The following CASZ1 variants were observed in gnomAD, a reference collection of about 807,000 sequenced individuals.
CASZ1 encodes the protein castor zinc finger 1.
A neutral mutation model predicts 135.2 loss-of-function variants in CASZ1; 28 were observed. The ratio of observed to expected loss-of-function variants is 0.21; its 90% CI spans 0.15 to 0.28. The LOEUF is 0.28. Ranked by LOEUF, CASZ1 falls within the 10% of genes least tolerant of loss-of-function variation. CASZ1 has a pLI of 1.00. For synonymous variants in CASZ1, 1,068 were observed against 1,073.4 expected (o/e 0.99, Z 0.10); for missense variants, 2,161 against 2,453.3 (o/e 0.88, Z 2.52).
At chr1:10,644,415 C>T (rs1642301280) in intron 18 of CASZ1, among the ~76,000 whole-genome samples, 1 of 152,028 alleles carries the variant, frequency 6.6e-6, no homozygotes, top group Non-Finnish European at 1.5e-5. Context: ...GTCGCCACCA[C>T]TGTCACCACC....
At position 10,694,691 on chromosome 1, in the gene CASZ1, C is replaced by CCGCGCGCCCCCGCCG. The variant is rs1162394762; in HGVS notation, c.-23-794_-23-780dup. Among the ~76,000 whole-genome samples the CCGCGCGCCCCCGCCG allele has an allele frequency of 6.0e-5, 8 of 133,894 alleles. No homozygotes were observed. The highest frequency in any genetic ancestry group is 1.2e-4 in the Non-Finnish European group (7 of 60,710). The allele number at this position is 133,894 out of a possible 152,430, so 87.8% of individuals were successfully genotyped here. Reference sequence around the variant, plus strand: ...GGGCTCGCGCTCGCTCGCGCCCCCGCCGCGCGCCCCCGCCGCGCGCGCCCG... The same window carrying CCGCGCGCCCCCGCCG: ...GGGCTCGCGCTCGCTCGCGCCCCCGCCGCGCGCCCCCGCCGCGCGCGCCCCCGCCGCGCGCGCCCG... On this transcript the variant is annotated intron_variant, in intron 3 of 20. Coordinates refer to ENST00000377022, the MANE Select transcript of CASZ1 (RefSeq NM_001079843.3). This position sits in a 1 kb window ranked among gnomAD's most constrained non-coding sequence, Gnocchi z 6.6.
rs1268101199 is a variant in CASZ1, at chr1:10,706,817, C to T, written c.-76-1273G>A. On this transcript the variant is annotated intron_variant, in intron 2 of 20. Transcript: ENST00000377022. This position sits in a 1 kb window ranked among gnomAD's most constrained non-coding sequence, Gnocchi z 4.3. ...TTAGGAAGTGCTGCCCCACGGGCCT[C>T]TGATGCCCATCTCATCCAGATGATG... Among the ~76,000 whole-genome samples, 1 of 151,782 alleles carries T rather than the reference C, an allele frequency of 6.6e-6. No individual in the cohort carries two copies. Among genetic ancestry groups the T allele is most frequent in the Non-Finnish European group, 1.5e-5 (1 of 67,944 alleles).
At position 10,639,113 on chromosome 1, in the gene CASZ1, GTCGTCGTCGTCC is replaced by G. The variant is rs778912711; in HGVS notation, c.5097_5108del (p.Glu1699_Asp1702del). 2,738 of 1,132,764 alleles carry G rather than the reference GTCGTCGTCGTCC, an allele frequency of 2.4e-3. 7 individuals are homozygous for G. Among genetic ancestry groups the G allele is most frequent in the Non-Finnish European group, 2.5e-3 (2,282 of 898,952 alleles). The allele number at this position is 1,132,764 out of a possible 1,614,324, so 70.2% of individuals were successfully genotyped here. A position where few individuals can be genotyped will look rare whatever the true frequency, so the allele number is the denominator to read the frequency against. On this transcript the variant is annotated inframe_deletion, in exon 21 of 21. Coordinates refer to ENST00000377022, the MANE Select transcript of CASZ1 (RefSeq NM_001079843.3). This position sits in a 1 kb window ranked among gnomAD's most constrained non-coding sequence, Gnocchi z 4.0. ...CGTCGTCGTCCTCGTCGTCGTCCTC[GTCGTCGTCGTCC>G]TCGTCGTCGTCCTCGTCCTCGTCGT...
In CASZ1 at chr1:10,747,560, G is replaced by A. The variant is rs756125093; in HGVS notation, c.-77+13141C>T. 6.6e-6 allele frequency among the ~76,000 whole-genome samples: 1 copy of A among 152,146 alleles called. No homozygotes were observed. Among genetic ancestry groups the A allele is most frequent in the South Asian group, 2.1e-4 (1 of 4,826 alleles). ...GTCCCTGTCCCGGGCTTTGCAGAGTGGGGAGAAGGTGAGGTGGGCTCAGGG... is the reference window on the plus strand; with the variant it reads ...GTCCCTGTCCCGGGCTTTGCAGAGTAGGGAGAAGGTGAGGTGGGCTCAGGG... On this transcript the variant is annotated intron_variant, in intron 2 of 20. Transcript: ENST00000377022. The surrounding 1 kb of genome is among the most constrained non-coding windows in gnomAD (Gnocchi z 4.3).
Position 10,726,163 on chromosome 1 carries a change from T to C in CASZ1, c.-76-20619A>G, listed in dbSNP as rs2100496348. 6.6e-6 allele frequency among the ~76,000 whole-genome samples: 1 copy of C among 152,270 alleles called. No individual in the cohort carries two copies. Among genetic ancestry groups the C allele is most frequent in the East Asian group, 1.9e-4 (1 of 5,190 alleles). Reference sequence around the variant, plus strand: ...CTACCACCAGCATGACCATTAATTGTTAGTGTTTATGGAGGGCTGACCGCG... The same window carrying C: ...CTACCACCAGCATGACCATTAATTGCTAGTGTTTATGGAGGGCTGACCGCG... On this transcript the variant is annotated intron_variant, in intron 2 of 20. Transcript: ENST00000377022. The surrounding 1 kb of genome is among the most constrained non-coding windows in gnomAD (Gnocchi z 5.7).
In CASZ1 at chr1:10,709,258, G is replaced by C. The variant is rs539251060; in HGVS notation, c.-76-3714C>G. Among the ~76,000 whole-genome samples, 1 of 152,038 alleles carries C rather than the reference G, an allele frequency of 6.6e-6. No homozygotes were observed. Among genetic ancestry groups the C allele is most frequent in the African/African-American group, 2.4e-5 (1 of 41,416 alleles). Reference sequence around the variant, plus strand: ...GCCATGGGGGCTCGGGGCAGCTGTCGGGCTGCCCATCCGCCCCCGCACTCC... The same window carrying C: ...GCCATGGGGGCTCGGGGCAGCTGTCCGGCTGCCCATCCGCCCCCGCACTCC... On this transcript the variant is annotated intron_variant, in intron 2 of 20. Coordinates refer to ENST00000377022, the MANE Select transcript of CASZ1 (RefSeq NM_001079843.3). This position sits in a 1 kb window ranked among gnomAD's most constrained non-coding sequence, Gnocchi z 5.1.
At position 10,697,076 on chromosome 1, in the gene CASZ1, T is replaced by G. The variant is rs896446106; in HGVS notation, c.-23-3164A>C. ...AGGTAGCCACAGGCTGAGTGGGCCC[T>G]GCCCAAGAGGAAAAGGCCTTCAGTG... On this transcript the variant is annotated intron_variant, in intron 3 of 20. Coordinates refer to ENST00000377022, the MANE Select transcript of CASZ1 (RefSeq NM_001079843.3). The surrounding 1 kb of genome is among the most constrained non-coding windows in gnomAD (Gnocchi z 4.7). 2.0e-5 allele frequency among the ~76,000 whole-genome samples: 3 copies of G among 152,322 alleles called. No individual in the cohort carries two copies. The East Asian group carries it at 5.8e-4, about 29-fold the overall frequency.
intron 1 of CASZ1, among the ~76,000 whole-genome samples, chr1:10,773,414 T>TGGGGGGGGGGGGGGGGGGGGGGGGG (rs1640609099): frequency 7.4e-6 from 1 of 134,406 alleles, no homozygotes; most frequent in Non-Finnish European, 1.6e-5. Flanking sequence ...GGGGCGGGGG[T>TGGGGGGGGGGGGGGGGGGGGGGGGG]GGAGCTGGCC....
chr1:10,639,218 G>GGCT lies in CASZ1; in HGVS notation c.5003_5004insAGC (p.Ala1670dup). ...CCTCCTGCGAGGACTCCCCAGCTGCGGCGGCGGCGGCGGCGGCGCCCTCGC... is the reference window on the plus strand; with the variant it reads ...CCTCCTGCGAGGACTCCCCAGCTGCGGCTGCGGCGGCGGCGGCGGCGCCCTCGC... On this transcript the variant is annotated inframe_insertion, in exon 21 of 21. Coordinates refer to ENST00000377022, the MANE Select transcript of CASZ1 (RefSeq NM_001079843.3). The surrounding 1 kb of genome is among the most constrained non-coding windows in gnomAD (Gnocchi z 4.0). 1.3e-6 allele frequency: 1 copy of GGCT among 793,748 alleles called. No individual in the cohort carries two copies. Among genetic ancestry groups the GGCT allele is most frequent in the Non-Finnish European group, 1.5e-6 (1 of 654,890 alleles). 49.2% of individuals were successfully genotyped at this position (793,748 alleles called of 1,614,324 possible).
chr1:10,663,742 G>A (rs1276801440), intron 5 of CASZ1, among the ~76,000 whole-genome samples: 2 of 152,252 alleles, frequency 1.3e-5, no homozygotes, highest in Non-Finnish European at 2.9e-5. Flanking sequence ...CGCTGTCTGT[G>A]TCCTCCAGCG....
At chr1:10,708,921 G>A (rs1308110678) in intron 2 of CASZ1, among the ~76,000 whole-genome samples, 1 of 143,948 alleles carries the variant, frequency 6.9e-6, no homozygotes, top group African/African-American at 2.6e-5. Flanking sequence ...GGCACAAGAG[G>A]TGCCAGGGTC....
chr1:10,659,184 A>C (rs1642909913), intron 6 of CASZ1, among the ~76,000 whole-genome samples: 1 of 152,152 alleles, frequency 6.6e-6, no homozygotes, highest in South Asian at 2.1e-4. Context: ...CCCAGGGCCC[A>C]GGCTCTGAGC....
chr1:10,783,535 C>G (rs1052074366), intron 1 of CASZ1, among the ~76,000 whole-genome samples: 1 of 151,916 alleles, frequency 6.6e-6, no homozygotes, highest in Non-Finnish European at 1.5e-5. Context: ...GGGAGAGTGT[C>G]CCTAAGAACT....
At chr1:10,754,849 T>C (rs1006056583) in intron 2 of CASZ1, among the ~76,000 whole-genome samples, 2 of 152,348 alleles carry the variant, frequency 1.3e-5, no homozygotes, top group African/African-American at 4.8e-5. Context: ...CATTACCAGC[T>C]CTTAACACAG....
At chr1:10,782,244 T>G (rs1245436034) in intron 1 of CASZ1, among the ~76,000 whole-genome samples, 2 of 152,220 alleles carry the variant, frequency 1.3e-5, no homozygotes, top group Non-Finnish European at 2.9e-5. Context: ...TGGGGAGGTC[T>G]AGGGACACGG....
At chr1:10,732,489 T>C (rs1639719269) in intron 2 of CASZ1, among the ~76,000 whole-genome samples, 1 of 151,630 alleles carries the variant, frequency 6.6e-6, no homozygotes, top group African/African-American at 2.4e-5. Context: ...CGCAGTGGAG[T>C]AGGGCTTCAG....
chr1:10,643,127 C>G (rs374403923), intron 19 of CASZ1, 33 bp downstream of exon 19: 21 of 1,605,176 alleles, frequency 1.3e-5, no homozygotes, highest in Non-Finnish European at 1.7e-5. Context: ...TCCCGCCACC[C>G]TGGCTGGGCT....
intron 2 of CASZ1, among the ~76,000 whole-genome samples, chr1:10,752,356 C>A (rs1212455643): frequency 3.3e-5 from 5 of 152,192 alleles, no homozygotes; most frequent in Non-Finnish European, 5.9e-5. Context: ...TCTGGAGAGG[C>A]CCCTAGACTA....
At chr1:10,675,848 G>T (rs548168155) in intron 4 of CASZ1, among the ~76,000 whole-genome samples, 165 of 150,438 alleles carry the variant, frequency 1.1e-3, no homozygotes, top group African/African-American at 3.8e-3. Context: ...GGCCAGGTGG[G>T]TCCCCAGCGG....
Sources: gnomAD v4.1 joint callset for allele counts (sites outside exome capture counted in the v4.1 genomes callset) on GRCh38, gnomAD v4.1.1 for gene constraint, Gnocchi (gnomAD v3.1) non-coding constraint, MANE v1.5 for transcripts, NCBI Gene and HGNC (gene_info 2026-07-23, HGNC 2026-07-21) for gene names.